The following MAML1 variants were observed in gnomAD, a reference collection of about 807,000 sequenced individuals.
MAML1 encodes mastermind like transcriptional coactivator 1, also known as mastermind-like protein 1.
Under a neutral mutation model 77.1 loss-of-function variants are expected in MAML1, and 14 were observed. The ratio of observed to expected loss-of-function variants is 0.18; its 90% CI spans 0.12 to 0.28. The LOEUF (loss-of-function observed/expected upper bound fraction) is 0.28, where lower values mean the gene tolerates loss of function less well. Among genes scored for constraint, MAML1 ranks in the 10% least tolerant of loss-of-function variants. The probability of loss-of-function intolerance (pLI) is 1.00; values close to 1 mark genes in which losing one functional copy is unlikely to be tolerated. For missense variants in MAML1, 1,217 were observed against 1,327.8 expected (o/e 0.92, Z 1.30); for synonymous variants, 516 against 551.9 (o/e 0.93, Z 0.91).
intron 1 of MAML1, among the ~76,000 whole-genome samples, chr5:179,740,061 G>A (rs1246501766): frequency 1.3e-5 from 2 of 152,216 alleles, no homozygotes; most frequent in East Asian, 3.8e-4. Context: ...AGCTTAAGAT[G>A]CCTTGATTTG....
intron 1 of MAML1, among the ~76,000 whole-genome samples, chr5:179,760,231 T>A (rs1779701862): frequency 6.6e-6 from 1 of 152,076 alleles, no homozygotes; most frequent in Admixed American, 6.6e-5. Flanking sequence ...CACTGGGGTC[T>A]CTGCTTGGCA....
intron 1 of MAML1, among the ~76,000 whole-genome samples, chr5:179,735,177 TAATA>T (rs138502481): frequency 0.026 from 3,995 of 152,052 alleles, 153 homozygotes; most frequent in African/African-American, 0.082. Context: ...AGTATGATAA[TAATA>T]AATAAATAAA....
chr5:179,743,092 G>C (rs1248787127), intron 1 of MAML1, among the ~76,000 whole-genome samples: 1 of 110,012 alleles, frequency 9.1e-6, no homozygotes, highest in African/African-American at 3.6e-5. Context: ...CACTCCTGTT[G>C]CCCAGGCTGG....
Position 179,733,439 on chromosome 5 carries a change from G to T in MAML1, c.315+12G>T. ...GCCGCCCGGCCACGGTGAGTAGGGCGCGGGAAGGCGCTTGTCGTGGCGGCA... is the reference window on the plus strand; with the variant it reads ...GCCGCCCGGCCACGGTGAGTAGGGCTCGGGAAGGCGCTTGTCGTGGCGGCA... On this transcript the variant is annotated intron_variant, in intron 1 of 4. Transcript: ENST00000292599. 1 of 1,092,884 alleles carries T rather than the reference G, an allele frequency of 9.2e-7. No homozygotes were observed. The allele number at this position is 1,092,884 out of a possible 1,614,324, so 67.7% of individuals were successfully genotyped here. A position where few individuals can be genotyped will look rare whatever the true frequency, so the allele number is the denominator to read the frequency against.
At chr5:179,743,512 G>A (rs1173030897) in intron 1 of MAML1, among the ~76,000 whole-genome samples, 5 of 150,866 alleles carry the variant, frequency 3.3e-5, no homozygotes, top group Admixed American at 1.3e-4. Flanking sequence ...GACTACAGGC[G>A]CCCACCACCA....
chr5:179,733,395 G>T lies in MAML1; in HGVS notation c.283G>T (p.Ala95Ser), dbSNP rs1190526655. Residue 95 changes from alanine to serine, a missense_variant, in exon 1 of 5, where the codon GCT becomes TCT. Coordinates refer to ENST00000292599, the MANE Select transcript of MAML1 (RefSeq NM_014757.5). ...CGCCCCGGCCCCGCGCCTGGACGCC[G>T]CTGACGGCCCCGAGCACGGCCGCCC... ...PAAPAPRLDA[A>S]DGPEHGRPAT... The T allele has an allele frequency of 2.6e-6, 3 of 1,170,542 alleles. No individual in the cohort carries two copies. Among genetic ancestry groups the T allele is most frequent in the African/African-American group, 1.6e-5 (1 of 61,412 alleles). The allele number at this position is 1,170,542 out of a possible 1,614,324, so 72.5% of individuals were successfully genotyped here.
chr5:179,765,604 G>A lies in MAML1; in HGVS notation c.594G>A (p.Leu198=). Residue 198 remains leucine, a synonymous_variant, in exon 2 of 5, where the codon TTG becomes TTA. Transcript: ENST00000292599. ...GTCTGGCTGACTCCAGCCTTCACTT[G>A]AATGGAGGCAGTAACCCCAGTGAGT... ...KKRLADSSLH[L]NGGSNPSESF... is the part of the protein sequence containing the mutation. The A allele has an allele frequency of 6.2e-7, 1 of 1,614,200 alleles. No homozygotes were observed. The highest frequency in any genetic ancestry group is 8.5e-7 in the Non-Finnish European group (1 of 1,180,036).
At position 179,753,665 on chromosome 5, in the gene MAML1, T is replaced by A. The variant is rs1449319631; in HGVS notation, c.316-11661T>A. Reference sequence around the variant, plus strand: ...TTATTATTATTATTATTTTTTTTTTTTTTTTTTTTTTTGAGGCAGAGTTTC... The same window carrying A: ...TTATTATTATTATTATTTTTTTTTTATTTTTTTTTTTTGAGGCAGAGTTTC... On this transcript the variant is annotated intron_variant, in intron 1 of 4. Coordinates refer to ENST00000292599, the MANE Select transcript of MAML1 (RefSeq NM_014757.5). Among the ~76,000 whole-genome samples, 378 of 139,558 alleles carry A rather than the reference T, an allele frequency of 2.7e-3. 1 individual carries two copies. Among genetic ancestry groups the A allele is most frequent in the African/African-American group, 9.0e-3 (354 of 39,118 alleles). The allele number at this position is 139,558 out of a possible 152,430, so 91.6% of individuals were successfully genotyped here.
In MAML1 at chr5:179,769,198, G is replaced by C; in HGVS notation, c.1971+109G>C. ...TGCGTGTGGATTTGCGCAGACTTGC[G>C]TGCCTGTTGTTAGAGTGCTTTGCCT... On this transcript the variant is annotated intron_variant, in intron 3 of 4. Transcript: ENST00000292599. This position sits in a 1 kb window ranked among gnomAD's most constrained non-coding sequence, Gnocchi z 4.2. The C allele has an allele frequency of 6.8e-7, 1 of 1,464,870 alleles. No individual in the cohort carries two copies. The highest frequency in any genetic ancestry group is 2.3e-5 in the East Asian group (1 of 43,524). The allele number at this position is 1,464,870 out of a possible 1,614,324, so 90.7% of individuals were successfully genotyped here. A position where few individuals can be genotyped will look rare whatever the true frequency, so the allele number is the denominator to read the frequency against.
Position 179,771,741 on chromosome 5 carries a change from G to A in MAML1, c.2068+498G>A, listed in dbSNP as rs967549559. On this transcript the variant is annotated intron_variant, in intron 4 of 4. Coordinates refer to ENST00000292599, the MANE Select transcript of MAML1 (RefSeq NM_014757.5). The surrounding 1 kb of genome is among the most constrained non-coding windows in gnomAD (Gnocchi z 4.7). Reference sequence around the variant, plus strand: ...GGAAGCACACTTGAGTCTAGCTGTCGCCTCTGAGATGTGCCAGGGAACTTC... The same window carrying A: ...GGAAGCACACTTGAGTCTAGCTGTCACCTCTGAGATGTGCCAGGGAACTTC... Among the ~76,000 whole-genome samples the A allele has an allele frequency of 6.6e-6, 1 of 152,190 alleles. No individual in the cohort carries two copies. The highest frequency in any genetic ancestry group is 1.5e-5 in the Non-Finnish European group (1 of 68,038).
chr5:179,750,370 AT>A (rs1779462807), intron 1 of MAML1, among the ~76,000 whole-genome samples: 1 of 151,256 alleles, frequency 6.6e-6, no homozygotes, highest in Admixed American at 6.6e-5. Flanking sequence ...CAGCTAGAAT[AT>A]AGGCTCTAGG....
Position 179,776,364 on chromosome 5 carries a change from G to A in MAML1, c.*1487G>A. 2.0e-6 allele frequency: 2 copies of A among 985,876 alleles called. No individual in the cohort carries two copies. The highest frequency in any genetic ancestry group is 2.4e-6 in the Non-Finnish European group (2 of 829,952). 61.1% of individuals were successfully genotyped at this position (985,876 alleles called of 1,614,324 possible). ...TGCAACCAGCCTGAGTCGCGGTGAG[G>A]GGACGAGAGGTTGTACACACATTGG... On this transcript the variant is annotated 3_prime_UTR_variant, in exon 5 of 5. Coordinates refer to ENST00000292599, the MANE Select transcript of MAML1 (RefSeq NM_014757.5).
intron 1 of MAML1, among the ~76,000 whole-genome samples, chr5:179,747,651 A>G (rs1037957936): frequency 6.6e-6 from 1 of 152,030 alleles, no homozygotes; most frequent in Non-Finnish European, 1.5e-5. Flanking sequence ...TCTACTAAAA[A>G]TACAAAAAAT....
chr5:179,771,198 G>A lies in MAML1; in HGVS notation c.2023G>A (p.Asp675Asn). ...GACCCGCCCACCACCCCAGTACCAA[G>A]ACCCGACACAAGGCAGCTTCCCACA... ...HLTRPPPQYQDPTQGSFPQQV... is the reference protein window; with the variant it reads ...HLTRPPPQYQNPTQGSFPQQV... The change falls in exon 4 of 5, where the codon GAC becomes AAC. Residue 675 changes from aspartate (D) to asparagine (N), a missense_variant. Asp to Asn is a conservative substitution (Grantham distance 23). This residue lies in a region of MAML1 where 884 missense variants were observed against 949.3 expected (regional missense o/e 0.93). Coordinates refer to ENST00000292599, the MANE Select transcript of MAML1 (RefSeq NM_014757.5). The surrounding 1 kb of genome is among the most constrained non-coding windows in gnomAD (Gnocchi z 4.7). 1 of 1,614,124 alleles carries A rather than the reference G, an allele frequency of 6.2e-7. No homozygotes were observed. The highest frequency in any genetic ancestry group is 1.1e-5 in the South Asian group (1 of 91,084).
At chr5:179,764,698 A>G (rs1459277260) in intron 1 of MAML1, among the ~76,000 whole-genome samples, 1 of 151,728 alleles carries the variant, frequency 6.6e-6, no homozygotes, top group Non-Finnish European at 1.5e-5. Flanking sequence ...ACAGTGGCTC[A>G]TGCCTGTAAT....
chr5:179,749,642 A>T (rs1779448642), intron 1 of MAML1, among the ~76,000 whole-genome samples: 1 of 152,214 alleles, frequency 6.6e-6, no homozygotes, highest in Non-Finnish European at 1.5e-5. Flanking sequence ...TGAAAGACTA[A>T]ATCATGAAAG....
At position 179,769,037 on chromosome 5, in the gene MAML1, A is replaced by G. The variant is rs1220984534; in HGVS notation, c.1919A>G (p.His640Arg). 6.2e-7 allele frequency: 1 copy of G among 1,614,098 alleles called. No homozygotes were observed. The highest frequency in any genetic ancestry group is 1.3e-5 in the African/African-American group (1 of 74,922). ...QQKQREQQQK[H>R]LQQQQFLQRQ... The stretch of plus-strand genomic sequence containing the variant: ...AAACAAAGGGAGCAGCAGCAAAAGC[A>G]TTTACAGCAACAGCAGTTCCTTCAG... The change falls in exon 3 of 5, where the codon CAT becomes CGT. Residue 640 changes from histidine to arginine, a missense_variant. Transcript: ENST00000292599. The surrounding 1 kb of genome is among the most constrained non-coding windows in gnomAD (Gnocchi z 4.2).
At chr5:179,748,713 C>T (rs937216576) in intron 1 of MAML1, among the ~76,000 whole-genome samples, 1 of 152,166 alleles carries the variant, frequency 6.6e-6, no homozygotes. Context: ...AGACCTGCAC[C>T]AGGCATGGAA....
intron 1 of MAML1, among the ~76,000 whole-genome samples, chr5:179,746,202 C>T (rs1166022523): frequency 1.3e-5 from 2 of 151,042 alleles, no homozygotes; most frequent in East Asian, 2.0e-4. Flanking sequence ...AAAAATTAGC[C>T]GGGTGTGGTG....
Sources: gnomAD v4.1 joint callset for allele counts (sites outside exome capture counted in the v4.1 genomes callset) on GRCh38, gnomAD v4.1.1 for gene constraint, gnomAD v4.1.1 regional missense constraint, Gnocchi (gnomAD v3.1) non-coding constraint, MANE v1.5 for transcripts, NCBI Gene and HGNC (gene_info 2026-07-23, HGNC 2026-07-21) for gene names.